The following MDM4 variants were observed in gnomAD, a reference collection of about 807,000 sequenced individuals.
MDM4 encodes MDM4 regulator of p53.
Under a neutral mutation model 60.2 loss-of-function variants are expected in MDM4, and 2 were observed. The ratio of observed to expected loss-of-function variants is 0.03; its 90% CI spans 0.01 to 0.10. The LOEUF (loss-of-function observed/expected upper bound fraction) is 0.10. Ranked by LOEUF, MDM4 falls within the 10% of genes least tolerant of loss-of-function variation. MDM4 has a pLI of 1.00. For missense variants in MDM4, 447 were observed against 577.5 expected, an observed-to-expected ratio of 0.77 and a Z score of 2.32; for synonymous variants, 202 against 198.1, an observed-to-expected ratio of 1.02 and a Z score of -0.17.
rs763708092 is a variant in MDM4, at chr1:204,549,443, G to A, written c.1234G>A (p.Glu412Lys). Residue 412 changes from glutamate to lysine, a missense_variant, in exon 11 of 11, where the codon GAA (glutamate) becomes AAA (lysine). By Grantham distance (56) the Glu-to-Lys change is moderately conservative. Coordinates refer to ENST00000367182, the MANE Select transcript of MDM4 (RefSeq NM_002393.5). Reference protein sequence around the residue: ...ESQETISSMGEQLDNLSEQRT... With the variant: ...ESQETISSMGKQLDNLSEQRT... ...CCAAGAGACCATCTCAAGCATGGGAGAACAGTTAGATAACCTTTCTGAACA... is the reference window on the plus strand; with the variant it reads ...CCAAGAGACCATCTCAAGCATGGGAAAACAGTTAGATAACCTTTCTGAACA... 4.3e-6 allele frequency: 7 copies of A among 1,612,118 alleles called. No homozygotes were observed. The highest frequency in any genetic ancestry group is 1.7e-5 in the Admixed American group (1 of 59,482).
rs114760111 is a variant in MDM4, at chr1:204,525,674, G to A, written c.78+78G>A. 188 of 958,608 alleles carry A rather than the reference G, an allele frequency of 2.0e-4. No individual in the cohort carries two copies. The African/African-American group carries it at 2.0e-3, about 10-fold the overall frequency. 59.4% of individuals were successfully genotyped at this position (958,608 alleles called of 1,614,324 possible). On this transcript the variant is annotated intron_variant, in intron 2 of 10. Transcript: ENST00000367182. ...TAAAAAGTTTAGCTGTCTCATGACT[G>A]TAATCCCAGCACTTTGAGAAGTCAA...
chr1:204,537,541 C>G, intron 6 of MDM4, 44 bp downstream of exon 6: 2 of 1,371,196 alleles, frequency 1.5e-6, no homozygotes, highest in Non-Finnish European at 2.1e-6. Flanking sequence ...ACAGAGTGGC[C>G]CCTTCTCTGT....
chr1:204,539,975 T>C (rs1033601858), intron 7 of MDM4, among the ~76,000 whole-genome samples: 2 of 152,078 alleles, frequency 1.3e-5, no homozygotes, highest in Non-Finnish European at 2.9e-5. Context: ...GTGTACAAGG[T>C]GTACATGAAA....
At chr1:204,542,142 C>T (rs374376929) in intron 7 of MDM4, among the ~76,000 whole-genome samples, 2 of 152,134 alleles carry the variant, frequency 1.3e-5, no homozygotes, top group East Asian at 1.9e-4. Context: ...CTCTAAGAGC[C>T]CATTGATCCA....
chr1:204,522,423 C>CAG (rs35946963), intron 1 of MDM4, among the ~76,000 whole-genome samples: 116,215 of 148,962 alleles, frequency 0.78, 45,574 homozygotes, highest in East Asian at 0.96. Flanking sequence ...TTTTTTGAAA[C>CAG]AATCTTGCTC....
Position 204,542,911 on chromosome 1 carries a change from A to G in MDM4, c.639A>G (p.Arg213=). Residue 213 remains arginine (R), a synonymous_variant, in exon 8 of 11, where the codon AGA becomes AGG. Coordinates refer to ENST00000367182, the MANE Select transcript of MDM4 (RefSeq NM_002393.5). ...ACTTGAGAAGCAACTATACACCTAG[A>G]AGTAATGGCTCAACTGATTTACAGA... ...LGNLRSNYTP[R]SNGSTDLQTN... 4 of 1,613,018 alleles carry G rather than the reference A, an allele frequency of 2.5e-6. No individual in the cohort carries two copies. Among genetic ancestry groups the G allele is most frequent in the Non-Finnish European group, 3.4e-6 (4 of 1,179,648 alleles).
At position 204,525,552 on chromosome 1, in the gene MDM4, A is replaced by G. The variant is rs905303517; in HGVS notation, c.34A>G (p.Thr12Ala). The G allele has an allele frequency of 1.2e-6, 2 of 1,612,320 alleles. No homozygotes were observed. The highest frequency in any genetic ancestry group is 1.7e-6 in the Non-Finnish European group (2 of 1,179,372). The change falls in exon 2 of 11, where the codon ACA (threonine) becomes GCA (alanine). Residue 12 changes from threonine (T) to alanine (A), a missense_variant. By Grantham distance (58) the Thr-to-Ala change is moderately conservative. Coordinates refer to ENST00000367182, the MANE Select transcript of MDM4 (RefSeq NM_002393.5). ...ATTTTCCACCTCTGCTCAGTGTTCA[A>G]CATCTGACAGTGCTTGCAGGATCTC... is the stretch of plus-strand genomic sequence containing the variant. ...TSFSTSAQCSTSDSACRISPG... is the reference protein window; with the variant it reads ...TSFSTSAQCSASDSACRISPG...
Position 204,552,800 on chromosome 1 carries a change from G to T in MDM4, c.*3118G>T, listed in dbSNP as rs1039522547. 1 of 182,554 alleles carries T rather than the reference G, an allele frequency of 5.5e-6. No individual in the cohort carries two copies. Among genetic ancestry groups the T allele is most frequent in the Admixed American group, 6.3e-5 (1 of 15,964 alleles). The allele number at this position is 182,554 out of a possible 1,614,324, so 11.3% of individuals were successfully genotyped here. ...TTCTGTTAGCACTAAGTACTTAGAC[G>T]ATCCTAAGATATGTGCTTGAGCCGA... On this transcript the variant is annotated 3_prime_UTR_variant, in exon 11 of 11. Transcript: ENST00000367182.
At chr1:204,521,358 A>G (rs1659550436) in intron 1 of MDM4, among the ~76,000 whole-genome samples, 1 of 152,184 alleles carries the variant, frequency 6.6e-6, no homozygotes, top group African/African-American at 2.4e-5. Flanking sequence ...CTGTTAAGTC[A>G]GGTGCAGCTG....
At chr1:204,529,303 C>A in intron 3 of MDM4, 1 of 760,520 alleles carries the variant, frequency 1.3e-6, no homozygotes, top group Admixed American at 1.9e-5. Context: ...GGAGATAAAG[C>A]CACTGTGATC....
intron 1 of MDM4, among the ~76,000 whole-genome samples, chr1:204,523,296 C>G (rs948596159): frequency 2.7e-5 from 4 of 148,840 alleles, no homozygotes; most frequent in African/African-American, 9.7e-5. Context: ...GGTGAAACCC[C>G]GTCTCTACTA....
intron 3 of MDM4, chr1:204,528,932 CTCTG>C: frequency 6.9e-6 from 11 of 1,591,498 alleles, no homozygotes; most frequent in Non-Finnish European, 9.5e-6. Flanking sequence ...CCCGGAAGGC[CTCTG>C]TCGGCATCTG....
At position 204,525,604 on chromosome 1, in the gene MDM4, A is replaced by G; in HGVS notation, c.78+8A>G. The G allele has an allele frequency of 6.6e-7, 1 of 1,515,136 alleles. No homozygotes were observed. Among genetic ancestry groups the G allele is most frequent in the Non-Finnish European group, 9.0e-7 (1 of 1,117,018 alleles). 93.9% of individuals were successfully genotyped at this position (1,515,136 alleles called of 1,614,324 possible). On this transcript the variant is annotated splice_region_variant and intron_variant, in intron 2 of 10. Transcript: ENST00000367182. ...CCTGGACAAATCAATCAGGTAAATC[A>G]TTTTCGGTATTTCTAGTTTTTTGGT... is the stretch of plus-strand genomic sequence containing the variant.
At chr1:204,546,178 T>C (rs1662638157) in intron 9 of MDM4, among the ~76,000 whole-genome samples, 1 of 152,154 alleles carries the variant, frequency 6.6e-6, no homozygotes, top group African/African-American at 2.4e-5. Flanking sequence ...TTGGAGCTTT[T>C]CTACTCTGAA....
rs181479807 is a variant in MDM4, at chr1:204,533,320, A to C, written c.343+1074A>C. ...TACATAAAGCCCTTTTGTGAGCTTC[A>C]TATTAACATTGCCCTTTGAAGAAAG... is the stretch of plus-strand genomic sequence containing the variant. On this transcript the variant is annotated intron_variant, in intron 5 of 10. Transcript: ENST00000367182. 1.1e-3 allele frequency among the ~76,000 whole-genome samples: 170 copies of C among 152,312 alleles called. 3 individuals are homozygous for C. The highest frequency in any genetic ancestry group is 9.8e-4 in the Admixed American group (15 of 15,294).
chr1:204,553,049 A>G lies in MDM4; in HGVS notation c.*3367A>G, dbSNP rs1663338874. ...CACCACCATGTCTGGCTAATTTTGT[A>G]TTTTTAGTAGAGATGGTTTCACCAT... On this transcript the variant is annotated 3_prime_UTR_variant, in exon 11 of 11. Transcript: ENST00000367182. 6.0e-6 allele frequency: 1 copy of G among 166,086 alleles called. No individual in the cohort carries two copies. Among genetic ancestry groups the G allele is most frequent in the Admixed American group, 6.5e-5 (1 of 15,494 alleles). 10.3% of individuals were successfully genotyped at this position (166,086 alleles called of 1,614,324 possible). A position where few individuals can be genotyped will look rare whatever the true frequency, so the allele number is the denominator to read the frequency against.
intron 9 of MDM4, among the ~76,000 whole-genome samples, chr1:204,545,854 A>T (rs1231877970): frequency 2.0e-5 from 3 of 152,114 alleles, no homozygotes; most frequent in African/African-American, 7.2e-5. Context: ...GAGAGATGGG[A>T]CTTAAAATAC....
At chr1:204,527,136 A>G (rs1360115480) in intron 3 of MDM4, among the ~76,000 whole-genome samples, 1 of 151,636 alleles carries the variant, frequency 6.6e-6, no homozygotes, top group Non-Finnish European at 1.5e-5. Context: ...CTCTAAAAAA[A>G]AAAAAAAAAA....
At chr1:204,546,750 A>G (rs1662700274) in intron 9 of MDM4, 47 bp from the exon 10 acceptor site, 1 of 1,314,244 alleles carries the variant, frequency 7.6e-7, no homozygotes, top group Admixed American at 1.9e-5. Context: ...AATTAGCCTC[A>G]TCTAAAACAA....
Sources: gnomAD v4.1 joint callset for allele counts (sites outside exome capture counted in the v4.1 genomes callset) on GRCh38, gnomAD v4.1.1 for gene constraint, MANE v1.5 for transcripts, NCBI Gene and HGNC (gene_info 2026-07-23, HGNC 2026-07-21) for gene names.